Variants in LARS2 observed in about 807,000 individuals in gnomAD.
LARS2 encodes the protein leucine--tRNA ligase, mitochondrial.
Under a neutral mutation model 116.6 loss-of-function variants are expected in LARS2, and 81 were observed. The ratio of observed to expected loss-of-function variants is 0.69; its 90% confidence interval spans 0.58 to 0.84. The LOEUF (loss-of-function observed/expected upper bound fraction) is 0.84, where lower values mean the gene tolerates loss of function less well. Among genes scored for constraint, LARS2 ranks in the 40% least tolerant of loss-of-function variants. The pLI, the probability that LARS2 is intolerant of heterozygous loss-of-function variation, is 0.00. For missense variants in LARS2, 968 were observed against 1,114.5 expected, an observed-to-expected ratio of 0.87 and a Z score of 1.87; for synonymous variants, 396 against 407.2, an observed-to-expected ratio of 0.97 and a Z score of 0.33.
intron 19 of LARS2, among the ~76,000 whole-genome samples, chr3:45,521,679 A>C (rs1223342289): frequency 6.6e-6 from 1 of 152,266 alleles, no homozygotes; most frequent in Non-Finnish European, 1.5e-5. Flanking sequence ...TGTTATAGAA[A>C]TAGCCAATAC....
rs867285553 is a variant in LARS2 at position 45,417,568 on chromosome 3, AC to A, written c.451del (p.Gln151LysfsTer7). Reference sequence around the variant, plus strand: ...GGAATCTACATCCACAAAGTTGGACACAAAGGTAAGTGTTTACAGGCATATT... The same window carrying A: ...GGAATCTACATCCACAAAGTTGGACAAAAGGTAAGTGTTTACAGGCATATT... ...ERNLHPQSWT[Q>X]SNIKHMRKQL... On this transcript the variant is annotated frameshift_variant, in exon 5 of 22. Transcript: ENST00000645846. LOFTEE classifies it high-confidence loss of function. The A allele has an allele frequency of 6.2e-7, 1 of 1,613,302 alleles. No individual in the cohort carries two copies. Among genetic ancestry groups the A allele is most frequent in the African/African-American group, 1.3e-5 (1 of 74,928 alleles).
intron 2 of LARS2, among the ~76,000 whole-genome samples, chr3:45,393,153 A>G (rs1284566506): frequency 6.6e-6 from 1 of 152,192 alleles, no homozygotes; most frequent in Non-Finnish European, 1.5e-5. Context: ...GTAGGCCCCA[A>G]CCTATGAGTT....
chr3:45,547,238 C>T (rs1700888840), intron 21 of LARS2, 113 bp from the exon 22 acceptor site: 2 of 963,512 alleles, frequency 2.1e-6, no homozygotes, highest in Non-Finnish European at 3.1e-6. Flanking sequence ...ACCTCTATTC[C>T]TTTCCCCTAA....
chr3:45,484,889 C>T, intron 10 of LARS2, among the ~76,000 whole-genome samples: 1 of 149,814 alleles, frequency 6.7e-6, no homozygotes, highest in Non-Finnish European at 1.5e-5. Flanking sequence ...CTGGCTAAGT[C>T]TTCCTGTACA....
At chr3:45,469,471 G>A (rs1010960869) in intron 8 of LARS2, among the ~76,000 whole-genome samples, 6 of 151,896 alleles carry the variant, frequency 4.0e-5, no homozygotes, top group African/African-American at 7.3e-5. Flanking sequence ...TCAGCCTCCC[G>A]AGCAGCTGGG....
intron 20 of LARS2, 37 bp from the exon 21 acceptor site, chr3:45,541,792 T>C (rs1700800366): frequency 1.9e-6 from 3 of 1,611,736 alleles, no homozygotes; most frequent in Non-Finnish European, 2.5e-6. Context: ...TCCCTGTTCT[T>C]AGAGTGACCC....
chr3:45,485,962 C>T, intron 11 of LARS2, among the ~76,000 whole-genome samples, 166 bp downstream of exon 11: 1 of 151,998 alleles, frequency 6.6e-6, no homozygotes, highest in Non-Finnish European at 1.5e-5. Context: ...TGTTTCAGAA[C>T]TACATTTTGA....
chr3:45,475,426 G>T (rs997096467), intron 9 of LARS2, among the ~76,000 whole-genome samples: 2 of 152,186 alleles, frequency 1.3e-5, no homozygotes, highest in Non-Finnish European at 2.9e-5. Flanking sequence ...TCCCAAGAAG[G>T]TGGCGAGAGT....
chr3:45,416,257 A>G (rs35335352), intron 4 of LARS2, among the ~76,000 whole-genome samples: 34,494 of 146,338 alleles, frequency 0.24, 4,425 homozygotes, highest in Non-Finnish European at 0.3. Flanking sequence ...ATTGTCTTGG[A>G]AAAAAAAAAA....
intron 2 of LARS2, among the ~76,000 whole-genome samples, chr3:45,392,236 G>A (rs369688293): frequency 5.3e-5 from 8 of 151,938 alleles, no homozygotes; most frequent in African/African-American, 1.9e-4. Flanking sequence ...TAGTTCAAAT[G>A]CCTGTAATCA....
chr3:45,535,677 A>C (rs991757289), intron 20 of LARS2, among the ~76,000 whole-genome samples: 1 of 151,992 alleles, frequency 6.6e-6, no homozygotes, highest in African/African-American at 2.4e-5. Context: ...GTGATGATGG[A>C]ACTCTTCTGG....
chr3:45,500,300 C>A (rs1306339479), intron 14 of LARS2, 142 bp from the exon 15 acceptor site: 4 of 873,660 alleles, frequency 4.6e-6, no homozygotes, highest in Non-Finnish European at 6.8e-6. Flanking sequence ...CCGCGCCCGG[C>A]CTTCTCTTAT....
At chr3:45,424,814 C>T (rs1031928067) in intron 6 of LARS2, among the ~76,000 whole-genome samples, 1 of 152,182 alleles carries the variant, frequency 6.6e-6, no homozygotes, top group Non-Finnish European at 1.5e-5. Flanking sequence ...GTGACAGTTT[C>T]ATAGGAGCCC....
At chr3:45,522,075 A>G (rs1559496446) in intron 19 of LARS2, among the ~76,000 whole-genome samples, 2 of 152,294 alleles carry the variant, frequency 1.3e-5, no homozygotes, top group East Asian at 1.9e-4. Flanking sequence ...ACTGTACTCT[A>G]GCCTGGGTGA....
chr3:45,503,484 G>A (rs367839378), intron 15 of LARS2, among the ~76,000 whole-genome samples: 6 of 152,104 alleles, frequency 3.9e-5, no homozygotes, highest in African/African-American at 1.4e-4. Context: ...TGATCACAGG[G>A]GTTCTATAGC....
At chr3:45,541,737 C>A (rs1214302936) in intron 20 of LARS2, 92 bp from the exon 21 acceptor site, 2 of 1,505,064 alleles carry the variant, frequency 1.3e-6, no homozygotes, top group Non-Finnish European at 1.8e-6. Flanking sequence ...CAGCTCCAAG[C>A]CAGGCTGTGT....
intron 19 of LARS2, among the ~76,000 whole-genome samples, chr3:45,521,300 G>A (rs972295966): frequency 6.6e-6 from 1 of 151,866 alleles, no homozygotes. Flanking sequence ...GCAAGACTCC[G>A]CCTCAAAAAC....
At chr3:45,444,076 C>G (rs1308978397) in intron 6 of LARS2, among the ~76,000 whole-genome samples, 5 of 150,482 alleles carry the variant, frequency 3.3e-5, no homozygotes, top group Non-Finnish European at 5.9e-5. Flanking sequence ...GTGATCTCAG[C>G]TCACTGCAAG....
chr3:45,431,079 C>T (rs78329984), intron 6 of LARS2, among the ~76,000 whole-genome samples: 2,417 of 152,216 alleles, frequency 0.016, 40 homozygotes, highest in Non-Finnish European at 0.025. Flanking sequence ...ATAGCCCTCC[C>T]GCCGAGTCCG....
Sources: gnomAD v4.1 joint callset for allele counts (sites outside exome capture counted in the v4.1 genomes callset) on GRCh38, gnomAD v4.1.1 for gene constraint, MANE v1.5 for transcripts, NCBI Gene and HGNC (gene_info 2026-07-23, HGNC 2026-07-21) for gene names.